Variants in RIT2 observed in about 807,000 individuals in gnomAD.
RIT2 encodes the protein GTP-binding protein Rit2.
A neutral mutation model predicts 23.7 loss-of-function variants in RIT2; 24 were observed. That is an observed-to-expected ratio of 1.01 (90% CI 0.73 to 1.43). The LOEUF (loss-of-function observed/expected upper bound fraction) is 1.43, where lower values mean the gene tolerates loss of function less well. Ranked by LOEUF, RIT2 falls within the 40% of genes most tolerant of loss-of-function variation. The probability of loss-of-function intolerance (pLI) is 0.00; values close to 1 mark genes in which losing one functional copy is unlikely to be tolerated. For synonymous variants in RIT2, 107 were observed against 91.1 expected (o/e 1.17, Z -0.99); for missense variants, 236 against 266.9 (o/e 0.88, Z 0.81).
chr18:43,042,044 G>A (rs1912139759), intron 1 of RIT2, among the ~76,000 whole-genome samples: 1 of 152,106 alleles, frequency 6.6e-6, no homozygotes, highest in Non-Finnish European at 1.5e-5. Flanking sequence ...GCAATTTAGA[G>A]AATAATACAA....
At chr18:42,782,697 T>C (rs992141659) in intron 4 of RIT2, among the ~76,000 whole-genome samples, 1 of 152,124 alleles carries the variant, frequency 6.6e-6, no homozygotes, top group Admixed American at 6.6e-5. Context: ...AGGAGAATCA[T>C]AGAAACTGAA....
At chr18:43,009,888 T>C (rs1911312466) in intron 2 of RIT2, among the ~76,000 whole-genome samples, 1 of 151,736 alleles carries the variant, frequency 6.6e-6, no homozygotes, top group Non-Finnish European at 1.5e-5. Flanking sequence ...ACGTGATTAA[T>C]GAGCATCTTG....
chr18:43,080,636 A>C (rs1913135462), intron 1 of RIT2, among the ~76,000 whole-genome samples: 1 of 152,092 alleles, frequency 6.6e-6, no homozygotes, highest in African/African-American at 2.4e-5. Context: ...ATTGACCTTA[A>C]ATAATTTTTT....
chr18:43,110,929 C>T (rs1392180717), intron 1 of RIT2, among the ~76,000 whole-genome samples: 1 of 151,978 alleles, frequency 6.6e-6, no homozygotes, highest in African/African-American at 2.4e-5. Flanking sequence ...TATAGGAAAA[C>T]AAATTAGCAT....
chr18:42,832,525 T>C (rs1906487787), intron 4 of RIT2, among the ~76,000 whole-genome samples: 1 of 152,158 alleles, frequency 6.6e-6, no homozygotes, highest in Non-Finnish European at 1.5e-5. Context: ...ATGCAAATCT[T>C]ATCTTTTATT....
At chr18:42,914,100 CTAATG>C (rs1306833540) in intron 4 of RIT2, among the ~76,000 whole-genome samples, 3 of 151,872 alleles carry the variant, frequency 2.0e-5, no homozygotes, top group Non-Finnish European at 4.4e-5. Context: ...AGTCATTAGA[CTAATG>C]TAAATTAAAA....
chr18:42,993,811 T>C (rs1163560066), intron 2 of RIT2, among the ~76,000 whole-genome samples: 1 of 152,068 alleles, frequency 6.6e-6, no homozygotes, highest in East Asian at 1.9e-4. Context: ...CGATCGATCA[T>C]GCACCCCTTA....
chr18:43,039,714 T>G lies in RIT2; in HGVS notation c.104-5847A>C, dbSNP rs527779123. Among the ~76,000 whole-genome samples the G allele has an allele frequency of 1.1e-4, 16 of 152,290 alleles. No individual in the cohort carries two copies. In the South Asian group the frequency reaches 1.7e-3, roughly 16 times the overall value. ...GCATAGATCACATGTGGTTTAATTG[T>G]ACTTTTTGTTGGTACTTTGGCTCTG... On this transcript the variant is annotated intron_variant, in intron 1 of 4. Coordinates refer to ENST00000326695, the MANE Select transcript of RIT2 (RefSeq NM_002930.4).
intron 4 of RIT2, among the ~76,000 whole-genome samples, chr18:42,839,750 T>A (rs1328218247): frequency 6.6e-6 from 1 of 152,138 alleles, no homozygotes; most frequent in Non-Finnish European, 1.5e-5. Context: ...ACTGAGAGAA[T>A]GAACATACGA....
intron 4 of RIT2, among the ~76,000 whole-genome samples, chr18:42,842,908 C>A (rs1356636950): frequency 2.6e-5 from 4 of 152,260 alleles, no homozygotes; most frequent in Non-Finnish European, 4.4e-5. Context: ...TTCCAAAATT[C>A]TTCTACAGAA....
At chr18:42,803,790 A>G (rs972870539) in intron 4 of RIT2, among the ~76,000 whole-genome samples, 1 of 152,224 alleles carries the variant, frequency 6.6e-6, no homozygotes, top group Admixed American at 6.5e-5. Flanking sequence ...TGATAAAAAT[A>G]AAAACATTAA....
chr18:43,034,207 A>G (rs1365405285), intron 1 of RIT2, among the ~76,000 whole-genome samples: 2 of 152,170 alleles, frequency 1.3e-5, no homozygotes, highest in African/African-American at 2.4e-5. Flanking sequence ...AACAGTTGGT[A>G]ATGATGTGCA....
intron 4 of RIT2, among the ~76,000 whole-genome samples, chr18:42,857,188 A>G (rs946780546): frequency 6.6e-6 from 1 of 152,156 alleles, no homozygotes; most frequent in African/African-American, 2.4e-5. Flanking sequence ...GGCCAGGGAT[A>G]TTGTGAAACA....
At chr18:42,916,804 A>T (rs991607181) in intron 4 of RIT2, among the ~76,000 whole-genome samples, 1 of 152,136 alleles carries the variant, frequency 6.6e-6, no homozygotes, top group African/African-American at 2.4e-5. Context: ...TATTTTACAG[A>T]CGTAGACACT....
chr18:42,937,515 A>C (rs1298593139), intron 3 of RIT2, among the ~76,000 whole-genome samples: 1 of 152,176 alleles, frequency 6.6e-6, no homozygotes, highest in Non-Finnish European at 1.5e-5. Flanking sequence ...CAACATGACA[A>C]GTAGGGCAGC....
chr18:43,113,745 A>C (rs1914004785), intron 1 of RIT2, among the ~76,000 whole-genome samples: 1 of 152,162 alleles, frequency 6.6e-6, no homozygotes, highest in Admixed American at 6.6e-5. Context: ...CTCTATCCCC[A>C]CATCCCCCAA....
chr18:43,009,827 G>A (rs1422940451), intron 2 of RIT2, among the ~76,000 whole-genome samples: 3 of 151,732 alleles, frequency 2.0e-5, no homozygotes, highest in East Asian at 2.0e-4. Context: ...TCCAAACCAG[G>A]AAGCTTCTTT....
chr18:43,014,481 G>T (rs780418297), intron 2 of RIT2, among the ~76,000 whole-genome samples: 32 of 151,652 alleles, frequency 2.1e-4, no homozygotes, highest in Non-Finnish European at 4.4e-4. Context: ...ATGTATTTGT[G>T]TTGTGTAAAT....
chr18:42,816,769 T>TA (rs796471405), intron 4 of RIT2, among the ~76,000 whole-genome samples: 9 of 152,020 alleles, frequency 5.9e-5, no homozygotes, highest in South Asian at 2.1e-4. Context: ...CATTATAGGA[T>TA]AAAAAAACCA....
Sources: allele counts gnomAD v4.1 joint callset (sites outside exome capture counted in the v4.1 genomes callset), GRCh38; gene constraint gnomAD v4.1.1; transcripts MANE v1.5; gene names NCBI Gene and HGNC (gene_info 2026-07-23, HGNC 2026-07-21).